The following CARMIL2 variants were observed in gnomAD, a reference collection of about 807,000 sequenced individuals.
CARMIL2 encodes capping protein regulator and myosin 1 linker 2.
CARMIL2 carries 96 observed loss-of-function variants against 173.3 expected under a neutral mutation model. That is an observed-to-expected ratio of 0.55 (90% CI 0.47 to 0.66). CARMIL2 has a LOEUF of 0.66. CARMIL2 is among the 30% of genes least tolerant of loss of function. CARMIL2 has a pLI of 0.00. For synonymous variants in CARMIL2, 830 were observed against 817.1 expected (o/e 1.02, Z -0.27); for missense variants, 1,771 against 1,906.7 (o/e 0.93, Z 1.33).
chr16:67,646,734 G>A lies in CARMIL2; in HGVS notation c.487G>A (p.Glu163Lys), dbSNP rs997428344. 7 of 1,613,918 alleles carry A rather than the reference G, an allele frequency of 4.3e-6. No individual in the cohort carries two copies. The highest frequency in any genetic ancestry group is 2.2e-5 in the East Asian group (1 of 44,882). ...SPCGGFLETY[E>K]ALCDYNGFPF... ...CCCAGGTGGCTTCTTGGAGACATAC[G>A]AGGCTCTGTGTGACTACAATGGCTT... The change falls in exon 7 of 38, where the codon GAG becomes AAG. Residue 163 changes from glutamate to lysine, a missense_variant. Physicochemically the swap from Glu to Lys is moderately conservative, Grantham distance 56. Around this residue, in one of 3 missense-constraint regions of CARMIL2, gnomAD observed 944 missense variants for 975.6 expected, o/e 0.97. Coordinates refer to ENST00000334583, the MANE Select transcript of CARMIL2 (RefSeq NM_001013838.3). This position sits in a 1 kb window ranked among gnomAD's most constrained non-coding sequence, Gnocchi z 4.6.
Position 67,645,238 on chromosome 16 carries a change from G to C in CARMIL2, c.-9G>C, listed in dbSNP as rs769596789. The C allele has an allele frequency of 1.1e-5, 18 of 1,587,364 alleles. No homozygotes were observed. The Admixed American group carries it at 2.6e-4, about 23-fold the overall frequency. ...GGAGCTCGTTGGGCCTCCCCGGCCC[G>C]CCCGGCCCATGGCCCAGACCCCCGA... On this transcript the variant is annotated 5_prime_UTR_variant, in exon 1 of 38. Coordinates refer to ENST00000334583, the MANE Select transcript of CARMIL2 (RefSeq NM_001013838.3).
chr16:67,650,257 G>C (rs1451942006), intron 22 of CARMIL2, 107 bp downstream of exon 22: 6 of 881,500 alleles, frequency 6.8e-6, no homozygotes, highest in Non-Finnish European at 1.1e-5. Context: ...CAGGGTGCCT[G>C]AGCCCTGCTG....
At position 67,648,680 on chromosome 16, in the gene CARMIL2, C is replaced by T; in HGVS notation, c.1440-5C>T. The T allele has an allele frequency of 6.2e-7, 1 of 1,603,668 alleles. No homozygotes were observed. Among genetic ancestry groups the T allele is most frequent in the Non-Finnish European group, 8.5e-7 (1 of 1,175,578 alleles). On this transcript the variant is annotated splice_polypyrimidine_tract_variant and splice_region_variant and intron_variant, in intron 15 of 37. Transcript: ENST00000334583. This position sits in a 1 kb window ranked among gnomAD's most constrained non-coding sequence, Gnocchi z 6.1. ...CCCGCCACCCCGTGTAACGTCCTCT[C>T]CCAGAGCCCTTTTGGATGGCCTCGC...
chr16:67,647,694 A>C lies in CARMIL2; in HGVS notation c.886A>C (p.Ser296Arg). 1.3e-6 allele frequency: 2 copies of C among 1,599,394 alleles called. No individual in the cohort carries two copies. Among genetic ancestry groups the C allele is most frequent in the Non-Finnish European group, 1.7e-6 (2 of 1,174,086 alleles). Residue 296 changes from serine to arginine, a missense_variant, in exon 12 of 38, where the codon AGC becomes CGC. Around this residue, in one of 3 missense-constraint regions of CARMIL2, gnomAD observed 944 missense variants for 975.6 expected, o/e 0.97. Transcript: ENST00000334583. Reference sequence around the variant, plus strand: ...CACCCCCCAAGGCATGACTGCACTCAGCAGACACCTCGAGCGTTGTCCAGG... The same window carrying C: ...CACCCCCCAAGGCATGACTGCACTCCGCAGACACCTCGAGCGTTGTCCAGG... Reference protein sequence around the residue: ...LLDDRGMTALSRHLERCPGAL... With the variant: ...LLDDRGMTALRRHLERCPGAL...
rs1428156780 is a variant in CARMIL2, at chr16:67,649,027, C to T, written c.1592-49C>T. 2 of 1,602,898 alleles carry T rather than the reference C, an allele frequency of 1.2e-6. No individual in the cohort carries two copies. The highest frequency in any genetic ancestry group is 1.1e-5 in the South Asian group (1 of 89,110). On this transcript the variant is annotated intron_variant, in intron 17 of 37. Transcript: ENST00000334583. This position sits in a 1 kb window ranked among gnomAD's most constrained non-coding sequence, Gnocchi z 6.7. Reference sequence around the variant, plus strand: ...CATCATCCACTCGATTCCCAATCCCCACCCTACCCTTGCAACTTCGCCTCG... The same window carrying T: ...CATCATCCACTCGATTCCCAATCCCTACCCTACCCTTGCAACTTCGCCTCG...
chr16:67,648,210 G>A lies in CARMIL2; in HGVS notation c.1230G>A (p.Ala410=), dbSNP rs764875088. The A allele has an allele frequency of 3.1e-6, 5 of 1,605,082 alleles. No homozygotes were observed. The highest frequency in any genetic ancestry group is 2.7e-5 in the African/African-American group (2 of 74,900). The part of the protein sequence containing the change: ...RAGRGGLGPP[A]GVANSLPPQL... ...GACGGGGAGGGCTCGGTCCCCCCGC[G>A]GGTGTAGCCAACAGCCTCCCCCCGC... The change falls in exon 14 of 38, where the codon GCG becomes GCA. Residue 410 remains alanine (A), a synonymous_variant. Coordinates refer to ENST00000334583, the MANE Select transcript of CARMIL2 (RefSeq NM_001013838.3). The surrounding 1 kb of genome is among the most constrained non-coding windows in gnomAD (Gnocchi z 6.1).
Position 67,649,967 on chromosome 16 carries a change from A to G in CARMIL2, c.2081A>G (p.Gln694Arg). The G allele has an allele frequency of 6.2e-7, 1 of 1,613,332 alleles. No homozygotes were observed. Among genetic ancestry groups the G allele is most frequent in the Non-Finnish European group, 8.5e-7 (1 of 1,179,726 alleles). Residue 694 changes from glutamine (Q) to arginine (R), a missense_variant and splice_region_variant, in exon 21 of 38, where the codon CAG becomes CGG. Gln to Arg is a conservative substitution (Grantham distance 43). Coordinates refer to ENST00000334583, the MANE Select transcript of CARMIL2 (RefSeq NM_001013838.3). The surrounding 1 kb of genome is among the most constrained non-coding windows in gnomAD (Gnocchi z 6.7). The part of the protein sequence containing the change: ...RPELTARAVH[Q>R]IQACLLRNNR... ...GAACTGACAGCACGTGCAGTCCATC[A>G]GGTGGGCGTCCCCCTCTTCCCTTGC...
At position 67,647,898 on chromosome 16, in the gene CARMIL2, C is replaced by T; in HGVS notation, c.1011C>T (p.Thr337=). ...ALATNAAFDS[T]LTHLDLSGNP... is the part of the protein sequence containing the mutation. ...CCACCAATGCCGCCTTCGACTCCAC[C>T]CTGACCCACCTGGACCTTTCTGGGA... is the stretch of plus-strand genomic sequence containing the variant. The change falls in exon 13 of 38, where the codon ACC becomes ACT. Residue 337 remains threonine (T), a synonymous_variant. Coordinates refer to ENST00000334583, the MANE Select transcript of CARMIL2 (RefSeq NM_001013838.3). The T allele has an allele frequency of 6.2e-7, 1 of 1,611,638 alleles. No homozygotes were observed.
rs751091783 is a variant in CARMIL2 at position 67,648,275 on chromosome 16, T to C, written c.1295T>C (p.Leu432Pro). 6.3e-7 allele frequency: 1 copy of C among 1,598,120 alleles called. No homozygotes were observed. Residue 432 changes from leucine (L) to proline (P), a missense_variant, in exon 14 of 38, where the codon CTT becomes CCT. Leu to Pro is a moderately conservative substitution (Grantham distance 98). Transcript: ENST00000334583. This position sits in a 1 kb window ranked among gnomAD's most constrained non-coding sequence, Gnocchi z 6.1. ...GTATCCCGAGGCTGCTGCACCAGCC[T>C]TACCCACCTCGACGCTTCGAGGAAC... ...AAVSRGCCTS[L>P]THLDASRNVF...
In CARMIL2 at chr16:67,657,152, A is replaced by G. The variant is rs1425032415; in HGVS notation, c.4118-87A>G. On this transcript the variant is annotated intron_variant, in intron 36 of 37. Transcript: ENST00000334583. The surrounding 1 kb of genome is among the most constrained non-coding windows in gnomAD (Gnocchi z 4.5). ...CAGCAGTGTGTGTGAGTGCATGCTT[A>G]TGTGCACTGGAGGTGGAAGAGAGGG... 8 of 1,176,266 alleles carry G rather than the reference A, an allele frequency of 6.8e-6. No homozygotes were observed. The highest frequency in any genetic ancestry group is 9.9e-6 in the Non-Finnish European group (8 of 804,462). The allele number at this position is 1,176,266 out of a possible 1,614,324, so 72.9% of individuals were successfully genotyped here. A position where few individuals can be genotyped will look rare whatever the true frequency, so the allele number is the denominator to read the frequency against.
chr16:67,654,316 C>G lies in CARMIL2; in HGVS notation c.3222-16C>G. Reference sequence around the variant, plus strand: ...GCCTGATGGGCTTTCTCGCTCACTGCTGGGTGTCCCCACAGCTGGGCCCCC... The same window carrying G: ...GCCTGATGGGCTTTCTCGCTCACTGGTGGGTGTCCCCACAGCTGGGCCCCC... On this transcript the variant is annotated splice_polypyrimidine_tract_variant and intron_variant, in intron 30 of 37. Transcript: ENST00000334583. The G allele has an allele frequency of 6.3e-7, 1 of 1,586,048 alleles. No individual in the cohort carries two copies. Among genetic ancestry groups the G allele is most frequent in the Non-Finnish European group, 8.6e-7 (1 of 1,166,370 alleles).
In CARMIL2 at chr16:67,646,384, G is replaced by T. The variant is rs772723786; in HGVS notation, c.375-42G>T. 1 of 1,607,846 alleles carries T rather than the reference G, an allele frequency of 6.2e-7. No individual in the cohort carries two copies. The highest frequency in any genetic ancestry group is 8.5e-7 in the Non-Finnish European group (1 of 1,175,862). On this transcript the variant is annotated intron_variant, in intron 5 of 37. Coordinates refer to ENST00000334583, the MANE Select transcript of CARMIL2 (RefSeq NM_001013838.3). The surrounding 1 kb of genome is among the most constrained non-coding windows in gnomAD (Gnocchi z 4.6). The stretch of plus-strand genomic sequence containing the variant: ...GAGAAGGGCTGCTTCCCATCCCAGA[G>T]GCTGGAAGTCCTTTGCCCCCTTCTC...
chr16:67,646,560 C>T lies in CARMIL2; in HGVS notation c.466+43C>T. On this transcript the variant is annotated intron_variant, in intron 6 of 37. Coordinates refer to ENST00000334583, the MANE Select transcript of CARMIL2 (RefSeq NM_001013838.3). This position sits in a 1 kb window ranked among gnomAD's most constrained non-coding sequence, Gnocchi z 4.6. ...GCCACAGGCCTTCCAGCCTGCCCCA[C>T]CTCTGCCTCCCCAGACCCGCAAGCT... 6.3e-7 allele frequency: 1 copy of T among 1,597,350 alleles called. No individual in the cohort carries two copies. The highest frequency in any genetic ancestry group is 1.7e-5 in the Admixed American group (1 of 59,108).
Position 67,654,528 on chromosome 16 carries a change from A to C in CARMIL2, c.3418A>C (p.Thr1140Pro), listed in dbSNP as rs1025139258. ...TTFGDLLRPPTRPSRGEELGG... is the reference protein window; with the variant it reads ...TTFGDLLRPPPRPSRGEELGG... ...ATTTGGCGACCTACTGCGGCCGCCA[A>C]CCCGTCCCAGCCGTGGTGAGGAGCT... Residue 1140 changes from threonine (T) to proline (P), a missense_variant, in exon 31 of 38, where the codon ACC (threonine) becomes CCC (proline). This residue lies in a region of CARMIL2 where 817 missense variants were observed against 903.5 expected (regional missense o/e 0.90). Coordinates refer to ENST00000334583, the MANE Select transcript of CARMIL2 (RefSeq NM_001013838.3). 3.7e-6 allele frequency: 6 copies of C among 1,610,504 alleles called. No homozygotes were observed. The African/African-American group carries it at 6.7e-5, about 18-fold the overall frequency.
Position 67,654,038 on chromosome 16 carries a change from C to CTGGAGT in CARMIL2, c.3121-111_3121-110insTGGAGT. The CTGGAGT allele has an allele frequency of 9.8e-6, 7 of 713,260 alleles. No individual in the cohort carries two copies. In the South Asian group the frequency reaches 1.2e-4, roughly 12 times the overall value. 44.2% of individuals were successfully genotyped at this position (713,260 alleles called of 1,614,324 possible). On this transcript the variant is annotated intron_variant, in intron 29 of 37. Coordinates refer to ENST00000334583, the MANE Select transcript of CARMIL2 (RefSeq NM_001013838.3). ...TGGTATCAGCAGCCCCTAGGGTCAC[C>CTGGAGT]CCAGTCTGGAATCCTGGAGTTATTC...
rs1305036418 is a variant in CARMIL2 at position 67,652,515 on chromosome 16, T to C, written c.2861T>C (p.Leu954Pro). ...AAATGGCCTGAGCTCAGCCACGGTCTTCACCTGGTCCCCTTCATTCACAGT... is the reference window on the plus strand; with the variant it reads ...AAATGGCCTGAGCTCAGCCACGGTCCTCACCTGGTCCCCTTCATTCACAGT... Reference protein sequence around the residue: ...PQKWPELSHGLHLVPFIHSAA... With the variant: ...PQKWPELSHGPHLVPFIHSAA... Residue 954 changes from leucine to proline, a missense_variant, in exon 28 of 38, where the codon CTT (leucine) becomes CCT (proline). Physicochemically the swap from Leu to Pro is moderately conservative, Grantham distance 98 (BLOSUM62 -3). Around this residue, in one of 3 missense-constraint regions of CARMIL2, gnomAD observed 817 missense variants for 903.5 expected, o/e 0.90. Coordinates refer to ENST00000334583, the MANE Select transcript of CARMIL2 (RefSeq NM_001013838.3). This position sits in a 1 kb window ranked among gnomAD's most constrained non-coding sequence, Gnocchi z 4.7. The C allele has an allele frequency of 6.2e-7, 1 of 1,613,462 alleles. No individual in the cohort carries two copies. The highest frequency in any genetic ancestry group is 1.3e-5 in the African/African-American group (1 of 74,908).
In CARMIL2 at chr16:67,651,952, G is replaced by A; in HGVS notation, c.2620G>A (p.Ala874Thr). 1 of 1,613,626 alleles carries A rather than the reference G, an allele frequency of 6.2e-7. No individual in the cohort carries two copies. Among genetic ancestry groups the A allele is most frequent in the Middle Eastern group, 1.6e-4 (1 of 6,062 alleles). The change falls in exon 26 of 38, where the codon GCA (alanine) becomes ACA (threonine). Residue 874 changes from alanine to threonine, a missense_variant. Ala to Thr is a moderately conservative substitution (Grantham distance 58, BLOSUM62 0). Transcript: ENST00000334583. The surrounding 1 kb of genome is among the most constrained non-coding windows in gnomAD (Gnocchi z 4.2). ...DMRLSITGTL[A>T]ESIVAQALAG... ...GCGGCTATCAATCACGGGGACCTTG[G>A]CAGAGAGCATTGTGGCTCAGGCTTT...
Position 67,649,530 on chromosome 16 carries a change from C to T in CARMIL2, c.1830C>T (p.Asn610=). 2 of 1,606,944 alleles carry T rather than the reference C, an allele frequency of 1.2e-6. No homozygotes were observed. The highest frequency in any genetic ancestry group is 1.7e-6 in the Non-Finnish European group (2 of 1,179,856). ...TCCGGGCCCTAGCCACCAATCCTAA[C>T]CTGACCGCGCTGGATATCAGCGGCA... The part of the protein sequence containing the change: ...VLLRALATNP[N]LTALDISGNA... The change falls in exon 20 of 38, where the codon AAC becomes AAT. Residue 610 remains asparagine (N), a synonymous_variant. Transcript: ENST00000334583. This position sits in a 1 kb window ranked among gnomAD's most constrained non-coding sequence, Gnocchi z 6.7.
rs1035469552 is a variant in CARMIL2, at chr16:67,647,324, T to C, written c.713T>C (p.Leu238Pro). The C allele has an allele frequency of 6.3e-7, 1 of 1,595,502 alleles. No individual in the cohort carries two copies. Among genetic ancestry groups the C allele is most frequent in the East Asian group, 2.3e-5 (1 of 44,154 alleles). ...AGCCTTGAGGTCTCAGAACAGATTC[T>C]GCACATGATGAGTCAGTCATCACAC... ...KLSLEVSEQI[L>P]HMMSQSSHLE... is the part of the protein sequence containing the mutation. The change falls in exon 10 of 38, where the codon CTG (leucine) becomes CCG (proline). Residue 238 changes from leucine to proline, a missense_variant. Leu to Pro is a moderately conservative substitution (Grantham distance 98). This residue lies in a region of CARMIL2 where 944 missense variants were observed against 975.6 expected (regional missense o/e 0.97). Transcript: ENST00000334583.
Sources: allele counts gnomAD v4.1 joint callset, GRCh38; gene constraint gnomAD v4.1.1; regional missense constraint gnomAD v4.1.1; non-coding constraint Gnocchi (gnomAD v3.1); transcripts MANE v1.5; gene names NCBI Gene and HGNC (gene_info 2026-07-23, HGNC 2026-07-21).